Variants in PIWIL2 observed in about 807,000 individuals in gnomAD.
The protein encoded by PIWIL2 is piwi like RNA-mediated gene silencing 2, also known as piwi-like protein 2.
Under a neutral mutation model 116.5 loss-of-function variants are expected in PIWIL2, and 81 were observed. The observed-to-expected ratio is 0.70, with a 90% CI of 0.58 to 0.84. The LOEUF is 0.84. Ranked by LOEUF, PIWIL2 falls within the 40% of genes least tolerant of loss-of-function variation. PIWIL2 has a pLI of 0.00. For missense variants in PIWIL2, 1,272 were observed against 1,212.3 expected (o/e 1.05, Z -0.73); for synonymous variants, 489 against 429.5 (o/e 1.14, Z -1.71).
intron 21 of PIWIL2, among the ~76,000 whole-genome samples, chr8:22,353,989 T>G (rs1832435128): frequency 6.6e-6 from 1 of 152,030 alleles, no homozygotes; most frequent in African/African-American, 2.4e-5. Context: ...TTGCCCAGAC[T>G]GGTCTCGATC....
At chr8:22,314,664 C>T (rs1207028366) in intron 17 of PIWIL2, among the ~76,000 whole-genome samples, 1 of 152,096 alleles carries the variant, frequency 6.6e-6, no homozygotes, top group Non-Finnish European at 1.5e-5. Context: ...GTTGAGTCAC[C>T]AGGTGGTTTC....
intron 20 of PIWIL2, among the ~76,000 whole-genome samples, chr8:22,327,079 G>A (rs866439306): frequency 6.4e-5 from 9 of 140,956 alleles, no homozygotes; most frequent in African/African-American, 1.6e-4. Flanking sequence ...CCAGGCTGGC[G>A]TGCAGTGACA....
chr8:22,347,238 A>C (rs1323668675), intron 20 of PIWIL2, among the ~76,000 whole-genome samples: 44 of 144,852 alleles, frequency 3.0e-4, no homozygotes, highest in African/African-American at 1.1e-3. Flanking sequence ...TTTGAGACAG[A>C]GTCTCACTCT....
At chr8:22,317,558 A>G (rs556761892) in intron 19 of PIWIL2, among the ~76,000 whole-genome samples, 25 of 149,598 alleles carry the variant, frequency 1.7e-4, no homozygotes, top group Non-Finnish European at 2.2e-4. Flanking sequence ...TATTTAACCA[A>G]TCCTCTCTTG....
chr8:22,276,513 A>G (rs1027510294), intron 1 of PIWIL2, among the ~76,000 whole-genome samples: 2 of 152,032 alleles, frequency 1.3e-5, no homozygotes, highest in African/African-American at 4.8e-5. Flanking sequence ...ATGAGGGTTC[A>G]CCATTTTGGT....
chr8:22,316,259 G>A lies in PIWIL2; in HGVS notation c.2223G>A (p.Val741=). ...TTCTAAACTAGAAACAGTTAATGGT[G>A]ATCGGGATGGATGTTTACCATGACC... ...GVDIPLKQLM[V]IGMDVYHDPS... The change falls in exon 19 of 23, where the codon GTG becomes GTA. Residue 741 remains valine, a synonymous_variant. Coordinates refer to ENST00000356766, the MANE Select transcript of PIWIL2 (RefSeq NM_018068.5). The A allele has an allele frequency of 6.2e-7, 1 of 1,611,760 alleles. No individual in the cohort carries two copies. Among genetic ancestry groups the A allele is most frequent in the Non-Finnish European group, 8.5e-7 (1 of 1,177,886 alleles).
At chr8:22,340,734 T>C (rs1401625610) in intron 20 of PIWIL2, among the ~76,000 whole-genome samples, 6 of 152,176 alleles carry the variant, frequency 3.9e-5, no homozygotes, top group Non-Finnish European at 7.3e-5. Flanking sequence ...TTCTTTTTTT[T>C]CTGAGACATA....
intron 20 of PIWIL2, among the ~76,000 whole-genome samples, chr8:22,347,620 G>A (rs1017527634): frequency 1.5e-4 from 22 of 150,968 alleles, no homozygotes; most frequent in African/African-American, 4.9e-4. Context: ...TCCGCCTCTC[G>A]GGTTCAAGCT....
intron 20 of PIWIL2, among the ~76,000 whole-genome samples, chr8:22,342,717 G>T (rs116349485): frequency 0.012 from 1,886 of 152,184 alleles, 42 homozygotes; most frequent in African/African-American, 0.043. Context: ...TTACTTTTTA[G>T]ATATGATGCC....
Position 22,318,278 on chromosome 8 carries a change from G to A in PIWIL2, c.2403+3G>A, listed in dbSNP as rs1288928206. Reference sequence around the variant, plus strand: ...GCTCCTTAAAAAAGTTTTATGAGGTGAGGAGAACAGAAATTCTCAGGCTTC... The same window carrying A: ...GCTCCTTAAAAAAGTTTTATGAGGTAAGGAGAACAGAAATTCTCAGGCTTC... On this transcript the variant is annotated splice_donor_region_variant and intron_variant, in intron 20 of 22. Coordinates refer to ENST00000356766, the MANE Select transcript of PIWIL2 (RefSeq NM_018068.5). 2.7e-6 allele frequency: 4 copies of A among 1,486,104 alleles called. No individual in the cohort carries two copies. The highest frequency in any genetic ancestry group is 4.5e-5 in the East Asian group (2 of 44,284). 92.1% of individuals were successfully genotyped at this position (1,486,104 alleles called of 1,614,324 possible). A position where few individuals can be genotyped will look rare whatever the true frequency, so the allele number is the denominator to read the frequency against.
In PIWIL2 at chr8:22,316,182, A is replaced by G; in HGVS notation, c.2209-63A>G. ...TTGCTTTGGGATTCAGACAGTAATT[A>G]AAAATGGAGGAATGCATTGCTCAGG... On this transcript the variant is annotated intron_variant, in intron 18 of 22. Transcript: ENST00000356766. 4 of 977,818 alleles carry G rather than the reference A, an allele frequency of 4.1e-6. 1 individual carries two copies. The highest frequency in any genetic ancestry group is 6.6e-6 in the Non-Finnish European group (4 of 608,178). The allele number at this position is 977,818 out of a possible 1,614,324, so 60.6% of individuals were successfully genotyped here.
intron 16 of PIWIL2, among the ~76,000 whole-genome samples, chr8:22,312,969 C>T (rs962972167): frequency 1.3e-5 from 2 of 152,134 alleles, no homozygotes; most frequent in African/African-American, 4.8e-5. Flanking sequence ...CCATCCTGAT[C>T]TACCATGCCT....
At position 22,334,681 on chromosome 8, in the gene PIWIL2, G is replaced by A. The variant is rs562420591; in HGVS notation, c.2403+16406G>A. Among the ~76,000 whole-genome samples, 3 of 152,180 alleles carry A rather than the reference G, an allele frequency of 2.0e-5. No individual in the cohort carries two copies. The East Asian group carries it at 5.8e-4, about 29-fold the overall frequency. ...CAACTGTCTCCAACTCCTGGGCTTAGGTGATTCTCTTACCTCAGCCTCCCA... is the reference window on the plus strand; with the variant it reads ...CAACTGTCTCCAACTCCTGGGCTTAAGTGATTCTCTTACCTCAGCCTCCCA... On this transcript the variant is annotated intron_variant, in intron 20 of 22. Transcript: ENST00000356766.
intron 6 of PIWIL2, among the ~76,000 whole-genome samples, chr8:22,285,862 C>A (rs1224184122): frequency 6.6e-6 from 1 of 152,062 alleles, no homozygotes; most frequent in Non-Finnish European, 1.5e-5. Flanking sequence ...CCAGGCTGGT[C>A]TCAAACTCCT....
chr8:22,287,468 C>A, intron 6 of PIWIL2, 60 bp from the exon 7 acceptor site: 2 of 1,060,904 alleles, frequency 1.9e-6, no homozygotes, highest in Non-Finnish European at 3.0e-6. Flanking sequence ...TGTTGCACAG[C>A]TCTGGTAAAG....
At chr8:22,306,064 C>G (rs1041700323) in intron 13 of PIWIL2, 48 bp downstream of exon 13, 35 of 1,334,438 alleles carry the variant, frequency 2.6e-5, no homozygotes, top group Non-Finnish European at 3.6e-5. Context: ...TGTGAGGCAG[C>G]CTTTTGGTTA....
chr8:22,336,635 A>G (rs970554834), intron 20 of PIWIL2, among the ~76,000 whole-genome samples: 2 of 152,170 alleles, frequency 1.3e-5, no homozygotes, highest in Non-Finnish European at 2.9e-5. Context: ...AGCTGGGTGC[A>G]GTGGCTCATG....
chr8:22,343,606 GTAGA>G (rs373595676), intron 20 of PIWIL2, among the ~76,000 whole-genome samples: 32 of 152,340 alleles, frequency 2.1e-4, no homozygotes, highest in South Asian at 8.3e-4. Flanking sequence ...TCAAAAATAG[GTAGA>G]TAGATAGATG....
chr8:22,336,758 A>G (rs1381876406), intron 20 of PIWIL2, among the ~76,000 whole-genome samples: 2 of 152,304 alleles, frequency 1.3e-5, no homozygotes, highest in Admixed American at 1.3e-4. Flanking sequence ...ATATTAGTAG[A>G]TATTAGAGCA....
Sources: allele counts gnomAD v4.1 joint callset (sites outside exome capture counted in the v4.1 genomes callset), GRCh38; gene constraint gnomAD v4.1.1; transcripts MANE v1.5; gene names NCBI Gene and HGNC (gene_info 2026-07-23, HGNC 2026-07-21).